LRRIQ1: variants seen among roughly 807,000 people sequenced by gnomAD.
The protein encoded by LRRIQ1 is leucine rich repeats and IQ motif containing 1, also known as leucine-rich repeat- and IQ domain-containing protein 1.
LRRIQ1 carries 210 observed loss-of-function variants against 211.9 expected under a neutral mutation model. The observed-to-expected ratio is 0.99, with a 90% CI of 0.89 to 1.11. LRRIQ1 has a LOEUF of 1.11. Among genes scored for constraint, LRRIQ1 ranks in the 50% most tolerant of loss-of-function variants. LRRIQ1 has a pLI of 0.00. For synonymous variants in LRRIQ1, 699 were observed against 650.1 expected (o/e 1.08, Z -1.14); for missense variants, 2,136 against 1,939.5 (o/e 1.10, Z -1.90).
At chr12:85,040,163 A>G (rs1669320067) in intron 2 of LRRIQ1, among the ~76,000 whole-genome samples, 1 of 151,600 alleles carries the variant, frequency 6.6e-6, no homozygotes, top group Non-Finnish European at 1.5e-5. Flanking sequence ...GATAATATTT[A>G]TTTGAAGTTG....
At chr12:85,042,348 AATTT>A (rs1878985057) in intron 3 of LRRIQ1, among the ~76,000 whole-genome samples, 2 of 150,208 alleles carry the variant, frequency 1.3e-5, no homozygotes, top group Non-Finnish European at 3.0e-5. Context: ...AATTTAAATT[AATTT>A]AATTATTTAA....
intron 17 of LRRIQ1, 92 bp from the exon 18 acceptor site, chr12:85,127,740 G>C (rs1888465702): frequency 9.8e-7 from 1 of 1,020,832 alleles, no homozygotes; most frequent in African/African-American, 1.6e-5. Context: ...TGTGTTCTTT[G>C]TTTAAAATCT....
At chr12:85,062,921 G>C (rs1592722062) in intron 8 of LRRIQ1, among the ~76,000 whole-genome samples, 1 of 151,908 alleles carries the variant, frequency 6.6e-6, no homozygotes, top group Non-Finnish European at 1.5e-5. Context: ...GTATCTCATT[G>C]TGGTTTTTAT....
At chr12:85,216,641 CATG>C (rs1354692464) in intron 24 of LRRIQ1, among the ~76,000 whole-genome samples, 1 of 151,604 alleles carries the variant, frequency 6.6e-6, no homozygotes, top group Non-Finnish European at 1.5e-5. Context: ...TTAATATTTA[CATG>C]ATTAATAGTT....
At chr12:85,147,844 TG>T (rs1179955380) in intron 19 of LRRIQ1, among the ~76,000 whole-genome samples, 2 of 151,632 alleles carry the variant, frequency 1.3e-5, no homozygotes, top group African/African-American at 4.8e-5. Flanking sequence ...CCACCCAAAA[TG>T]GGAATTATCA....
At chr12:85,191,102 C>T (rs1892489533) in intron 24 of LRRIQ1, among the ~76,000 whole-genome samples, 1 of 151,928 alleles carries the variant, frequency 6.6e-6, no homozygotes, top group Non-Finnish European at 1.5e-5. Context: ...ATGTACTCCG[C>T]AAATGTACAG....
intron 8 of LRRIQ1, among the ~76,000 whole-genome samples, chr12:85,057,791 G>T (rs1881302046): frequency 6.6e-6 from 1 of 151,944 alleles, no homozygotes; most frequent in African/African-American, 2.4e-5. Context: ...TTAAGACACA[G>T]AAACTAATAA....
In LRRIQ1 at chr12:85,104,016, C is replaced by G. The variant is rs141856803; in HGVS notation, c.3222C>G (p.Ile1074Met). Residue 1074 changes from isoleucine to methionine, a missense_variant, in exon 14 of 27, where the codon ATC becomes ATG. By Grantham distance (10) the Ile-to-Met change is conservative. Coordinates refer to ENST00000393217, the MANE Select transcript of LRRIQ1 (RefSeq NM_001079910.2). ...ITISQNSLTK[I>M]VPLFHFVSLE... ...TTTTTGTTTTCAGCTTGACTAAAATCGTACCACTTTTTCATTTTGTTTCAT... is the reference window on the plus strand; with the variant it reads ...TTTTTGTTTTCAGCTTGACTAAAATGGTACCACTTTTTCATTTTGTTTCAT... The G allele has an allele frequency of 2.6e-3, 4,028 of 1,565,938 alleles. 12 individuals are homozygous for G. Among genetic ancestry groups the G allele is most frequent in the Non-Finnish European group, 3.1e-3 (3,588 of 1,155,534 alleles).
At chr12:85,060,069 G>C (rs1000390118) in intron 8 of LRRIQ1, among the ~76,000 whole-genome samples, 1 of 151,806 alleles carries the variant, frequency 6.6e-6, no homozygotes. Flanking sequence ...ACCTGTATGA[G>C]CCTCAGTTTT....
intron 19 of LRRIQ1, among the ~76,000 whole-genome samples, chr12:85,144,119 T>C (rs1396716142): frequency 6.6e-6 from 1 of 151,616 alleles, no homozygotes; most frequent in East Asian, 1.9e-4. Flanking sequence ...TTCGTGTCCA[T>C]GTGTACTCAT....
chr12:85,124,593 A>T, intron 17 of LRRIQ1, 74 bp downstream of exon 17: 1 of 1,136,938 alleles, frequency 8.8e-7, no homozygotes, highest in Non-Finnish European at 1.3e-6. Flanking sequence ...AGTCAATGGT[A>T]CCTAGTAATT....
At chr12:85,266,650 T>A (rs1242552527), downstream of LRRIQ1, among the ~76,000 whole-genome samples, 1 of 152,124 alleles carries the variant, frequency 6.6e-6, no homozygotes, top group East Asian at 1.9e-4. Context: ...AATAGCCACC[T>A]GTAGGAAAGG....
intron 24 of LRRIQ1, among the ~76,000 whole-genome samples, chr12:85,217,510 G>A (rs1041082895): frequency 0.044 from 1,727 of 39,110 alleles, 53 homozygotes; most frequent in African/African-American, 0.25. Context: ...ATATATATAT[G>A]TGTGTGTGTG....
At chr12:85,043,248 G>A (rs1270813828) in intron 3 of LRRIQ1, among the ~76,000 whole-genome samples, 1 of 152,020 alleles carries the variant, frequency 6.6e-6, no homozygotes, top group Non-Finnish European at 1.5e-5. Context: ...TCTTGCTTGG[G>A]TTTTTCATGC....
At chr12:85,094,745 A>G (rs1885715098) in intron 11 of LRRIQ1, among the ~76,000 whole-genome samples, 1 of 152,058 alleles carries the variant, frequency 6.6e-6, no homozygotes, top group South Asian at 2.1e-4. Context: ...TTAATCCATG[A>G]GCATGGAATG....
chr12:85,199,350 G>A (rs780044595), intron 24 of LRRIQ1, among the ~76,000 whole-genome samples: 61 of 151,990 alleles, frequency 4.0e-4, no homozygotes, highest in Non-Finnish European at 1.5e-4. Context: ...TTATTCCAGC[G>A]CTTTTTATTG....
In LRRIQ1 at chr12:85,111,945, T is replaced by TACAC. The variant is rs539688376; in HGVS notation, c.3377+5351_3377+5354dup. ...TGGTATTAGACATTTTATATATATA[T>TACAC]ACACACACACACACACACACACACT... On this transcript the variant is annotated intron_variant, in intron 15 of 26. Coordinates refer to ENST00000393217, the MANE Select transcript of LRRIQ1 (RefSeq NM_001079910.2). Among the ~76,000 whole-genome samples, 960 of 148,152 alleles carry TACAC rather than the reference T, an allele frequency of 6.5e-3. 7 individuals carry two copies. Among genetic ancestry groups the TACAC allele is most frequent in the African/African-American group, 0.02 (812 of 40,254 alleles).
intron 24 of LRRIQ1, among the ~76,000 whole-genome samples, chr12:85,166,210 A>G (rs74114212): frequency 2.1e-4 from 32 of 152,318 alleles, no homozygotes; most frequent in African/African-American, 6.7e-4. Flanking sequence ...TCAGGGAAGG[A>G]AGTTAGCCAA....
intron 6 of LRRIQ1, among the ~76,000 whole-genome samples, chr12:85,050,818 G>T (rs1239083953): frequency 1.3e-5 from 2 of 152,116 alleles, no homozygotes; most frequent in Non-Finnish European, 2.9e-5. Context: ...GCTCATATGA[G>T]ATAATGATCA....
Sources: gnomAD v4.1 joint callset for allele counts (sites outside exome capture counted in the v4.1 genomes callset) on GRCh38, gnomAD v4.1.1 for gene constraint, MANE v1.5 for transcripts, NCBI Gene and HGNC (gene_info 2026-07-23, HGNC 2026-07-21) for gene names.